The following HERPUD2 variants were observed in gnomAD, a reference collection of about 807,000 sequenced individuals.
HERPUD2 encodes the protein HERPUD family member 2, also known as homocysteine-responsive endoplasmic reticulum-resident ubiquitin-like domain member 2 protein.
Under a neutral mutation model 49.9 loss-of-function variants are expected in HERPUD2, and 13 were observed. The ratio of observed to expected loss-of-function variants is 0.26; its 90% CI spans 0.17 to 0.41. The LOEUF is 0.41. Among genes scored for constraint, HERPUD2 ranks in the 10% least tolerant of loss-of-function variants. The pLI, the probability that HERPUD2 is intolerant of heterozygous loss-of-function variation, is 1.00. For missense variants in HERPUD2, 449 were observed against 492.2 expected, an observed-to-expected ratio of 0.91 and a Z score of 0.83; for synonymous variants, 172 against 171.4, an observed-to-expected ratio of 1.00 and a Z score of -0.03.
At chr7:35,690,593 T>C (rs977845651) in intron 2 of HERPUD2, among the ~76,000 whole-genome samples, 3 of 152,238 alleles carry the variant, frequency 2.0e-5, no homozygotes, top group Admixed American at 6.5e-5. Flanking sequence ...GTGGATTACC[T>C]GAGGTCAGGA....
intron 5 of HERPUD2, among the ~76,000 whole-genome samples, chr7:35,640,817 A>T (rs1408415227): frequency 1.3e-5 from 2 of 152,184 alleles, no homozygotes; most frequent in East Asian, 3.8e-4. Flanking sequence ...CAACAAGTTA[A>T]AGAGAACTGT....
chr7:35,660,253 A>T (rs1332485158), intron 5 of HERPUD2, among the ~76,000 whole-genome samples: 2 of 152,208 alleles, frequency 1.3e-5, no homozygotes, highest in African/African-American at 4.8e-5. Flanking sequence ...TATATGTGCC[A>T]CATTTTCTTA....
At chr7:35,675,509 A>C (rs1407091199) in intron 2 of HERPUD2, among the ~76,000 whole-genome samples, 1 of 152,032 alleles carries the variant, frequency 6.6e-6, no homozygotes, top group Non-Finnish European at 1.5e-5. Flanking sequence ...TTTTTACCAG[A>C]CCAAACATTT....
At chr7:35,661,922 G>A (rs1785432696) in intron 5 of HERPUD2, among the ~76,000 whole-genome samples, 1 of 152,224 alleles carries the variant, frequency 6.6e-6, no homozygotes, top group Non-Finnish European at 1.5e-5. Flanking sequence ...TTGAAAAGGA[G>A]TGGTGAGAGA....
At chr7:35,652,700 G>A (rs945729364) in intron 5 of HERPUD2, among the ~76,000 whole-genome samples, 1 of 147,928 alleles carries the variant, frequency 6.8e-6, no homozygotes, top group African/African-American at 2.5e-5. Flanking sequence ...GGAGGGAGGG[G>A]AAGGGAAGGG....
At chr7:35,662,126 G>A (rs1417004837) in intron 5 of HERPUD2, among the ~76,000 whole-genome samples, 1 of 152,218 alleles carries the variant, frequency 6.6e-6, no homozygotes, top group Non-Finnish European at 1.5e-5. Context: ...CATCTATTGA[G>A]ATAATCATGT....
At chr7:35,644,628 G>A (rs1343340863) in intron 5 of HERPUD2, among the ~76,000 whole-genome samples, 1 of 151,934 alleles carries the variant, frequency 6.6e-6, no homozygotes, top group Non-Finnish European at 1.5e-5. Flanking sequence ...ATTAGCCAGT[G>A]TGGAGACGTG....
At chr7:35,638,602 T>A in intron 5 of HERPUD2, 130 bp from the exon 6 acceptor site, 1 of 936,932 alleles carries the variant, frequency 1.1e-6, no homozygotes, top group Non-Finnish European at 1.5e-6. Flanking sequence ...GAAAAATACT[T>A]ACTTTCAACG....
intron 2 of HERPUD2, among the ~76,000 whole-genome samples, chr7:35,682,066 G>A (rs1415263245): frequency 6.6e-6 from 1 of 151,766 alleles, no homozygotes; most frequent in Non-Finnish European, 1.5e-5. Context: ...TGAAGTTTTT[G>A]GTTTTTTGTC....
intron 5 of HERPUD2, among the ~76,000 whole-genome samples, chr7:35,653,053 T>C (rs1346430593): frequency 1.3e-5 from 2 of 152,248 alleles, no homozygotes; most frequent in African/African-American, 2.4e-5. Context: ...AATCAATTAC[T>C]AAAATGACAG....
intron 5 of HERPUD2, among the ~76,000 whole-genome samples, chr7:35,647,309 C>T (rs1193560789): frequency 1.3e-5 from 2 of 152,102 alleles, no homozygotes; most frequent in Admixed American, 6.6e-5. Context: ...CTTCCCACTC[C>T]TCCAAGCAGA....
At chr7:35,680,743 G>C (rs1583567193) in intron 2 of HERPUD2, among the ~76,000 whole-genome samples, 1 of 152,302 alleles carries the variant, frequency 6.6e-6, no homozygotes, top group South Asian at 2.1e-4. Context: ...CAAATCTACA[G>C]TAGAGTATTC....
chr7:35,638,520 G>T, intron 5 of HERPUD2, 48 bp from the exon 6 acceptor site: 1 of 1,550,672 alleles, frequency 6.4e-7, no homozygotes, highest in Non-Finnish European at 8.8e-7. Context: ...GCAGCTAAAA[G>T]TATTATTCTA....
At chr7:35,635,073 C>T (rs185293143) in intron 7 of HERPUD2, 62 bp downstream of exon 7, 519 of 1,246,796 alleles carry the variant, frequency 4.2e-4, no homozygotes, top group Admixed American at 1.3e-3. Flanking sequence ...CTACCCTACA[C>T]CAGATTCTGT....
At chr7:35,643,013 A>G (rs1784990882) in intron 5 of HERPUD2, among the ~76,000 whole-genome samples, 1 of 152,196 alleles carries the variant, frequency 6.6e-6, no homozygotes, top group African/African-American at 2.4e-5. Context: ...CTATTTTTGA[A>G]AATTAGCTTA....
At chr7:35,649,777 T>TA (rs1230898843) in intron 5 of HERPUD2, among the ~76,000 whole-genome samples, 1 of 152,210 alleles carries the variant, frequency 6.6e-6, no homozygotes, top group East Asian at 1.9e-4. Context: ...AAGCTCCAGG[T>TA]AGCAGCCTTC....
At position 35,658,589 on chromosome 7, in the gene HERPUD2, A is replaced by G. The variant is rs187330764; in HGVS notation, c.494+8845T>C. ...ACATGAACTCCATAAATATGTGCAA[A>G]TAACAATTTTAAAAATAAATTATAA... On this transcript the variant is annotated intron_variant, in intron 5 of 8. Transcript: ENST00000311350. Among the ~76,000 whole-genome samples the G allele has an allele frequency of 1.7e-3, 252 of 152,306 alleles. 1 individual carries two copies. Among genetic ancestry groups the G allele is most frequent in the Non-Finnish European group, 2.7e-3 (184 of 68,018 alleles).
At chr7:35,643,823 TAGAA>T (rs1157335592) in intron 5 of HERPUD2, among the ~76,000 whole-genome samples, 2 of 147,838 alleles carry the variant, frequency 1.4e-5, no homozygotes, top group Non-Finnish European at 3.0e-5. Context: ...AAAGAAAAAA[TAGAA>T]AGCTGTTAAA....
chr7:35,683,237 G>C (rs1785954431), intron 2 of HERPUD2, among the ~76,000 whole-genome samples: 3 of 152,120 alleles, frequency 2.0e-5, no homozygotes, highest in Admixed American at 2.0e-4. Context: ...TAGACCAATG[G>C]AAGGACTAGA....
Sources: allele counts gnomAD v4.1 joint callset (sites outside exome capture counted in the v4.1 genomes callset), GRCh38; gene constraint gnomAD v4.1.1; transcripts MANE v1.5; gene names NCBI Gene and HGNC (gene_info 2026-07-23, HGNC 2026-07-21).